PDIA4: variants seen among roughly 807,000 people sequenced by gnomAD.
The protein encoded by PDIA4 is protein disulfide-isomerase A4.
PDIA4 carries 33 observed loss-of-function variants against 62.1 expected under a neutral mutation model. The ratio of observed to expected loss-of-function variants is 0.53; its 90% CI spans 0.40 to 0.71. PDIA4 has a LOEUF of 0.71. Ranked by LOEUF, PDIA4 falls within the 30% of genes least tolerant of loss-of-function variation. The pLI, the probability that PDIA4 is intolerant of heterozygous loss-of-function variation, is 0.00. For synonymous variants in PDIA4, 341 were observed against 324.1 expected, an observed-to-expected ratio of 1.05 and a Z score of -0.56; for missense variants, 804 against 813.6, an observed-to-expected ratio of 0.99 and a Z score of 0.14.
At position 149,028,350 on chromosome 7, in the gene PDIA4, G is replaced by A; in HGVS notation, c.59C>T (p.Ala20Val). 3 of 1,526,274 alleles carry A rather than the reference G, an allele frequency of 2.0e-6. No homozygotes were observed. The highest frequency in any genetic ancestry group is 2.0e-5 in the Admixed American group (1 of 49,546). 94.5% of individuals were successfully genotyped at this position (1,526,274 alleles called of 1,614,324 possible). ...GTCCGGGCCCTCGGCACCCGCCACG[G>A]CCAGCAGCTGCACCAGCCCCAAGAG... ...LLLLGLVQLL[A>V]VAGAEGPDED... The change falls in exon 1 of 10, where the codon GCC becomes GTC. Residue 20 changes from alanine to valine, a missense_variant. By Grantham distance (64) the Ala-to-Val change is moderately conservative. Transcript: ENST00000652332.
intron 7 of PDIA4, 58 bp downstream of exon 7, chr7:149,008,101 G>C (rs1823822466): frequency 6.5e-7 from 1 of 1,533,570 alleles, no homozygotes; most frequent in Non-Finnish European, 8.9e-7. Flanking sequence ...GTGGCTCAAA[G>C]CAGAGTCCTC....
Position 149,027,773 on chromosome 7 carries a change from C to T in PDIA4, c.88+548G>A, listed in dbSNP as rs141484469. On this transcript the variant is annotated intron_variant, in intron 1 of 9. Transcript: ENST00000652332. ...GCTAAATGCAGAAGGAATGGTATCTCTAGTTTCTCAAAGGTGCAAACCAAG... is the reference window on the plus strand; with the variant it reads ...GCTAAATGCAGAAGGAATGGTATCTTTAGTTTCTCAAAGGTGCAAACCAAG... 24 of 447,356 alleles carry T rather than the reference C, an allele frequency of 5.4e-5. No homozygotes were observed. In the East Asian group the frequency reaches 1.6e-3, roughly 30 times the overall value. 27.7% of individuals were successfully genotyped at this position (447,356 alleles called of 1,614,324 possible).
At chr7:149,006,206 G>T in intron 7 of PDIA4, 153 bp from the exon 8 acceptor site, 2 of 651,934 alleles carry the variant, frequency 3.1e-6, no homozygotes, top group Non-Finnish European at 4.8e-6. Flanking sequence ...CTCAAGCACA[G>T]CCCAGTCATT....
intron 7 of PDIA4, among the ~76,000 whole-genome samples, chr7:149,007,901 T>C (rs1490779714): frequency 6.6e-6 from 1 of 152,244 alleles, no homozygotes; most frequent in African/African-American, 2.4e-5. Context: ...GCAACTGTTC[T>C]GGCAAAACCA....
chr7:149,028,347 A>G lies in PDIA4; in HGVS notation c.62T>C (p.Val21Ala). The G allele has an allele frequency of 6.6e-7, 1 of 1,525,964 alleles. No homozygotes were observed. The highest frequency in any genetic ancestry group is 1.2e-5 in the South Asian group (1 of 82,082). 94.5% of individuals were successfully genotyped at this position (1,525,964 alleles called of 1,614,324 possible). A position where few individuals can be genotyped will look rare whatever the true frequency, so the allele number is the denominator to read the frequency against. The change falls in exon 1 of 10, where the codon GTG becomes GCG. Residue 21 changes from valine (V) to alanine (A), a missense_variant. Transcript: ENST00000652332. ...CTCGTCCGGGCCCTCGGCACCCGCC[A>G]CGGCCAGCAGCTGCACCAGCCCCAA... ...LLLGLVQLLA[V>A]AGAEGPDEDS...
intron 1 of PDIA4, 59 bp from the exon 2 acceptor site, chr7:149,021,206 C>A (rs996664893): frequency 6.6e-7 from 1 of 1,523,466 alleles, no homozygotes; most frequent in Non-Finnish European, 8.8e-7. Context: ...TTAAAACTTT[C>A]CTGGCCGGGC....
At chr7:149,018,889 G>C in intron 3 of PDIA4, 103 bp downstream of exon 3, 1 of 696,556 alleles carries the variant, frequency 1.4e-6, no homozygotes, top group Non-Finnish European at 2.5e-6. Flanking sequence ...AGGTTCCTGA[G>C]AAAGTCAGTC....
intron 1 of PDIA4, among the ~76,000 whole-genome samples, chr7:149,023,742 T>C (rs1407251452): frequency 1.3e-5 from 2 of 152,170 alleles, no homozygotes; most frequent in Non-Finnish European, 2.9e-5. Context: ...GACTGACGTT[T>C]GCAGCGAAGA....
intron 3 of PDIA4, among the ~76,000 whole-genome samples, chr7:149,018,059 C>G (rs1219760700): frequency 6.6e-6 from 1 of 151,992 alleles, no homozygotes; most frequent in African/African-American, 2.4e-5. Flanking sequence ...GAAACCCCGT[C>G]TCTACTAAAA....
intron 7 of PDIA4, 82 bp from the exon 8 acceptor site, chr7:149,006,135 G>A (rs1823751080): frequency 6.9e-7 from 1 of 1,440,448 alleles, no homozygotes; most frequent in Non-Finnish European, 9.1e-7. Flanking sequence ...GGACTTTGGG[G>A]GAGTGGCGAC....
At position 149,003,739 on chromosome 7, in the gene PDIA4, A is replaced by G. The variant is rs867778002; in HGVS notation, c.*55T>C. The G allele has an allele frequency of 3.2e-5, 44 of 1,385,804 alleles. No homozygotes were observed. In the Middle Eastern group the frequency reaches 2.7e-3, roughly 85 times the overall value. The allele number at this position is 1,385,804 out of a possible 1,614,324, so 85.8% of individuals were successfully genotyped here. ...TGCCGGCCTCGGCGTGGACGCCCCGACCATGGGCCACGCAGGGCGTCTGCC... is the reference window on the plus strand; with the variant it reads ...TGCCGGCCTCGGCGTGGACGCCCCGGCCATGGGCCACGCAGGGCGTCTGCC... On this transcript the variant is annotated 3_prime_UTR_variant, in exon 10 of 10. Transcript: ENST00000652332.
In PDIA4 at chr7:149,019,064, T is replaced by G. The variant is rs1016948664; in HGVS notation, c.403A>C (p.Ser135Arg). 2 of 1,613,450 alleles carry G rather than the reference T, an allele frequency of 1.2e-6. No individual in the cohort carries two copies. The highest frequency in any genetic ancestry group is 1.7e-6 in the Non-Finnish European group (2 of 1,179,914). The change falls in exon 3 of 10, where the codon AGT (serine) becomes CGT (arginine). Residue 135 changes from serine (S) to arginine (R), a missense_variant. Transcript: ENST00000652332. ...ASVLASRFDV[S>R]GYPTIKILKK... ...AGGATCTTGATGGTGGGGTAGCCACTCACATCAAACCTGCTGGCCAGCACA... is the reference window on the plus strand; with the variant it reads ...AGGATCTTGATGGTGGGGTAGCCACGCACATCAAACCTGCTGGCCAGCACA...
chr7:149,027,516 G>T (rs562976802), intron 1 of PDIA4, among the ~76,000 whole-genome samples: 3 of 152,214 alleles, frequency 2.0e-5, no homozygotes, highest in African/African-American at 7.2e-5. Flanking sequence ...AGAGGAAGAA[G>T]GTAAAGACCA....
At chr7:149,020,909 G>A in intron 2 of PDIA4, 58 bp downstream of exon 2, 1 of 1,577,234 alleles carries the variant, frequency 6.3e-7, no homozygotes, top group South Asian at 1.2e-5. Context: ...CGGGTGAAGG[G>A]CTGAGCGAAT....
chr7:149,019,523 C>T (rs569771223), intron 2 of PDIA4, among the ~76,000 whole-genome samples: 77 of 152,272 alleles, frequency 5.1e-4, no homozygotes, highest in African/African-American at 1.8e-3. Context: ...AGTTTGAGAC[C>T]AGCCTGGGCA....
chr7:149,016,681 T>A (rs1824150437), intron 3 of PDIA4, among the ~76,000 whole-genome samples: 1 of 152,236 alleles, frequency 6.6e-6, no homozygotes, highest in African/African-American at 2.4e-5. Context: ...CCAGCTAATT[T>A]TTTATATTTT....
chr7:149,004,310 G>C, intron 9 of PDIA4, 101 bp from the exon 10 acceptor site: 1 of 1,097,230 alleles, frequency 9.1e-7, no homozygotes, highest in Non-Finnish European at 1.3e-6. Flanking sequence ...GTGGCCACCA[G>C]ACGGGCCAGT....
chr7:149,005,840 T>C (rs954751967), intron 8 of PDIA4, 57 bp downstream of exon 8: 22 of 1,380,810 alleles, frequency 1.6e-5, no homozygotes, highest in Non-Finnish European at 2.0e-5. Context: ...CCACCTTGCC[T>C]GAAAGAACGA....
chr7:149,020,835 T>A, intron 2 of PDIA4, 132 bp downstream of exon 2: 1 of 1,414,322 alleles, frequency 7.1e-7, no homozygotes, highest in Non-Finnish European at 9.3e-7. Context: ...CCAGCGTTCT[T>A]AAAGCTAGAG....
Sources: allele counts gnomAD v4.1 joint callset (sites outside exome capture counted in the v4.1 genomes callset), GRCh38; gene constraint gnomAD v4.1.1; transcripts MANE v1.5; gene names NCBI Gene and HGNC (gene_info 2026-07-23, HGNC 2026-07-21).